WDPCP: variants seen among roughly 807,000 people sequenced by gnomAD.
WDPCP encodes WD repeat containing planar cell polarity effector, also known as WD repeat-containing and planar cell polarity effector protein fritz homolog.
WDPCP carries 71 observed loss-of-function variants against 93.1 expected under a neutral mutation model. The observed-to-expected ratio is 0.76, with a 90% CI of 0.63 to 0.93. The LOEUF (loss-of-function observed/expected upper bound fraction) is 0.93. WDPCP is among the 40% of genes least tolerant of loss of function. The pLI is 0.00. For synonymous variants in WDPCP, 315 were observed against 315.0 expected, an observed-to-expected ratio of 1.00 and a Z score of 0.00; for missense variants, 844 against 887.4, an observed-to-expected ratio of 0.95 and a Z score of 0.62.
chr2:63,142,921 TATACACACACAC>T (rs935166540), intron 17 of WDPCP, among the ~76,000 whole-genome samples: 4 of 76,556 alleles, frequency 5.2e-5, no homozygotes, highest in African/African-American at 2.4e-4. Flanking sequence ...TACACATACA[TATACACACACAC>T]ACACACACAC....
intron 2 of WDPCP, among the ~76,000 whole-genome samples, chr2:63,696,741 T>C (rs1668966255): frequency 6.6e-6 from 1 of 152,200 alleles, no homozygotes; most frequent in Non-Finnish European, 1.5e-5. Flanking sequence ...CTGACCAGAA[T>C]CTTAGGTTAG....
At chr2:63,262,895 C>T (rs1053011070) in intron 13 of WDPCP, among the ~76,000 whole-genome samples, 1 of 152,182 alleles carries the variant, frequency 6.6e-6, no homozygotes, top group Admixed American at 6.6e-5. Flanking sequence ...GGTGGGACTA[C>T]AGGTACTGGC....
chr2:63,569,692 C>A (rs186359680), intron 1 of WDPCP, among the ~76,000 whole-genome samples: 1 of 152,280 alleles, frequency 6.6e-6, no homozygotes, highest in Admixed American at 6.5e-5. Flanking sequence ...GTCAGAGCTA[C>A]CACTGACATG....
At chr2:63,672,428 G>T (rs908699936) in intron 2 of WDPCP, among the ~76,000 whole-genome samples, 3 of 152,084 alleles carry the variant, frequency 2.0e-5, no homozygotes, top group Non-Finnish European at 2.9e-5. Flanking sequence ...TGGGGAAATT[G>T]TCATAGAAAT....
chr2:63,392,805 A>T (rs1693385661), intron 10 of WDPCP, among the ~76,000 whole-genome samples: 1 of 152,252 alleles, frequency 6.6e-6, no homozygotes, highest in African/African-American at 2.4e-5. Flanking sequence ...ATCACTGGTC[A>T]TCAGAGAAAT....
intron 3 of WDPCP, among the ~76,000 whole-genome samples, chr2:63,614,976 A>T (rs1421524166): frequency 6.6e-6 from 1 of 152,228 alleles, no homozygotes; most frequent in Non-Finnish European, 1.5e-5. Flanking sequence ...TATCACATAA[A>T]ACTTTGATAA....
chr2:63,552,439 T>C (rs1430533836), intron 1 of WDPCP, among the ~76,000 whole-genome samples: 3 of 152,288 alleles, frequency 2.0e-5, no homozygotes, highest in South Asian at 4.1e-4. Context: ...ATCTGCATTT[T>C]AAAAAGTAAT....
At chr2:63,580,868 A>G (rs1158633891) in intron 1 of WDPCP, among the ~76,000 whole-genome samples, 1 of 152,204 alleles carries the variant, frequency 6.6e-6, no homozygotes, top group Non-Finnish European at 1.5e-5. Flanking sequence ...TGAAGAATAT[A>G]GGAATATAAA....
At chr2:63,839,942 T>C in the WDPCP span, among the ~76,000 whole-genome samples, 1 of 152,238 alleles carries the variant, frequency 6.6e-6, no homozygotes, top group Admixed American at 6.5e-5. Context: ...TAGCCTTTTC[T>C]GTGTTGTTTG....
intron 1 of WDPCP, among the ~76,000 whole-genome samples, chr2:63,560,602 A>G (rs1706533797): frequency 6.6e-6 from 1 of 152,168 alleles, no homozygotes; most frequent in African/African-American, 2.4e-5. Context: ...TCAATGATAG[A>G]CCGGATTAAG....
rs112387422 is a variant in WDPCP, at chr2:63,618,688, A to ATT, written n.488+31969_488+31970dup. On this transcript the variant is annotated intron_variant and non_coding_transcript_variant, in intron 3 of 4. Coordinates refer to the WDPCP transcript ENST00000467687. The stretch of plus-strand genomic sequence containing the variant: ...ATAGAAGGATAGAAGTGGGATAGTA[A>ATT]TTTTTTTTTTTTTTTTTTTGAGACA... Among the ~76,000 whole-genome samples the ATT allele has an allele frequency of 1.5e-3, 210 of 135,558 alleles. 1 individual carries two copies. The highest frequency in any genetic ancestry group is 3.7e-3 in the African/African-American group (136 of 36,438). The allele number at this position is 135,558 out of a possible 152,430, so 88.9% of individuals were successfully genotyped here. A position where few individuals can be genotyped will look rare whatever the true frequency, so the allele number is the denominator to read the frequency against.
chr2:63,598,050 TTCTC>T (rs1709351626), intron 3 of WDPCP: 1 of 152,246 alleles, frequency 6.6e-6, no homozygotes, highest in South Asian at 2.1e-4. Context: ...TGACTTATAG[TTCTC>T]TCTTTGTGTT....
At chr2:63,243,910 T>C (rs1195750151) in intron 14 of WDPCP, among the ~76,000 whole-genome samples, 1 of 152,050 alleles carries the variant, frequency 6.6e-6, no homozygotes, top group Non-Finnish European at 1.5e-5. Flanking sequence ...AACCACAGAA[T>C]ATACATTCTT....
intron 14 of WDPCP, among the ~76,000 whole-genome samples, chr2:63,238,061 A>G (rs1221801338): frequency 1.3e-5 from 2 of 152,112 alleles, no homozygotes; most frequent in East Asian, 3.9e-4. Context: ...AAATAAGATG[A>G]CATGCCCAAA....
intron 12 of WDPCP, among the ~76,000 whole-genome samples, chr2:63,348,005 A>T (rs1019845315): frequency 6.6e-6 from 1 of 152,232 alleles, no homozygotes; most frequent in Non-Finnish European, 1.5e-5. Context: ...AAAAGTTTAG[A>T]AAAACTAATG....
In WDPCP at chr2:63,282,376, G is replaced by A. The variant is rs182259074; in HGVS notation, c.1813-22967C>T. 5.9e-5 allele frequency among the ~76,000 whole-genome samples: 9 copies of A among 152,208 alleles called. No individual in the cohort carries two copies. In the East Asian group the frequency reaches 1.4e-3, roughly 23 times the overall value. On this transcript the variant is annotated intron_variant, in intron 13 of 17. Coordinates refer to ENST00000272321, the MANE Select transcript of WDPCP (RefSeq NM_015910.7). ...AAAAATTAGCTGGGCGTGGTGGTGC[G>A]TACCTGTAGTCCCAGCTACTCAGGA...
At chr2:63,626,506 A>G (rs985253126) in intron 3 of WDPCP, among the ~76,000 whole-genome samples, 7 of 151,970 alleles carry the variant, frequency 4.6e-5, no homozygotes, top group African/African-American at 1.2e-4. Flanking sequence ...AAATAACCCC[A>G]TTAAAAAAGG....
At chr2:63,304,757 C>A (rs1261785569) in intron 13 of WDPCP, among the ~76,000 whole-genome samples, 1 of 152,156 alleles carries the variant, frequency 6.6e-6, no homozygotes, top group Non-Finnish European at 1.5e-5. Context: ...CAACCGTTTA[C>A]TTCCCTGGAA....
At chr2:63,523,838 G>A (rs958925989) in intron 1 of WDPCP, among the ~76,000 whole-genome samples, 14 of 152,172 alleles carry the variant, frequency 9.2e-5, no homozygotes, top group African/African-American at 2.4e-4. Context: ...TTGAACCCAG[G>A]AGGTGGAGGT....
Sources: allele counts gnomAD v4.1 joint callset (sites outside exome capture counted in the v4.1 genomes callset), GRCh38; gene constraint gnomAD v4.1.1; transcripts MANE v1.5; gene names NCBI Gene and HGNC (gene_info 2026-07-23, HGNC 2026-07-21).